Variants in XKR9 observed in about 807,000 individuals in gnomAD.
XKR9 encodes XK related 9, also known as XK-related protein 9.
XKR9 carries 32 observed loss-of-function variants against 32.0 expected under a neutral mutation model. The ratio of observed to expected loss-of-function variants is 1.00; its 90% CI spans 0.76 to 1.34. The LOEUF (loss-of-function observed/expected upper bound fraction) is 1.34, where lower values mean the gene tolerates loss of function less well. Ranked by LOEUF, XKR9 falls within the 40% of genes most tolerant of loss-of-function variation. The pLI is 0.00. For missense variants in XKR9, 546 were observed against 429.7 expected (o/e 1.27, Z -2.39); for synonymous variants, 168 against 143.4 (o/e 1.17, Z -1.22).
the XKR9 span, among the ~76,000 whole-genome samples, chr8:71,021,627 C>T: frequency 5.0e-4 from 76 of 151,562 alleles, 1 homozygote; most frequent in Non-Finnish European, 6.0e-4. Flanking sequence ...CTCAGCCTCC[C>T]GTGTAGCTGG....
intron 3 of XKR9, among the ~76,000 whole-genome samples, chr8:70,694,197 G>A (rs1226218637): frequency 6.6e-6 from 1 of 152,228 alleles, no homozygotes; most frequent in Non-Finnish European, 1.5e-5. Flanking sequence ...GGGAGTGGCT[G>A]GAGACCGTGG....
chr8:70,977,825 G>A, the XKR9 span, among the ~76,000 whole-genome samples: 1 of 152,154 alleles, frequency 6.6e-6, no homozygotes, highest in African/African-American at 2.4e-5. Context: ...GTCTAATATT[G>A]ACAGTGGGTT....
At chr8:70,865,616 A>G in the XKR9 span, among the ~76,000 whole-genome samples, 1 of 152,170 alleles carries the variant, frequency 6.6e-6, no homozygotes, top group Non-Finnish European at 1.5e-5. Flanking sequence ...GAGAATCTTC[A>G]TTCAGTTAGA....
At chr8:70,780,855 C>T (rs961440119) in intron 2 of XKR9, 3 of 152,044 alleles carry the variant, frequency 2.0e-5, no homozygotes, top group African/African-American at 4.8e-5. Context: ...GGTTTCTCCT[C>T]CTCACCAACA....
the XKR9 span, among the ~76,000 whole-genome samples, chr8:71,046,952 A>G: frequency 6.6e-6 from 1 of 152,216 alleles, no homozygotes; most frequent in Non-Finnish European, 1.5e-5. Flanking sequence ...GAGAAAGAAC[A>G]TGGCCTCTAA....
chr8:71,032,905 C>A, the XKR9 span, among the ~76,000 whole-genome samples: 1 of 151,976 alleles, frequency 6.6e-6, no homozygotes, highest in Non-Finnish European at 1.5e-5. Context: ...GCCAACATGG[C>A]GAAACCCCGT....
At chr8:70,932,529 T>A in the XKR9 span, among the ~76,000 whole-genome samples, 3 of 152,122 alleles carry the variant, frequency 2.0e-5, no homozygotes, top group Non-Finnish European at 4.4e-5. Context: ...GACCTCTCAA[T>A]TGCATGGACC....
At chr8:70,699,496 T>G (rs1312346414) in intron 3 of XKR9, among the ~76,000 whole-genome samples, 25 of 152,178 alleles carry the variant, frequency 1.6e-4, no homozygotes, top group Non-Finnish European at 1.6e-4. Flanking sequence ...TCTTTCAGAA[T>G]GTTGAATATT....
chr8:70,697,086 G>A (rs992495031), intron 3 of XKR9, among the ~76,000 whole-genome samples: 6 of 151,164 alleles, frequency 4.0e-5, no homozygotes, highest in Non-Finnish European at 7.4e-5. Context: ...ATTTTGGGCT[G>A]AGACAATGGG....
the XKR9 span, among the ~76,000 whole-genome samples, chr8:70,880,197 C>A: frequency 6.6e-6 from 1 of 152,146 alleles, no homozygotes; most frequent in Non-Finnish European, 1.5e-5. Context: ...GGAAGCATTC[C>A]CTTTGAAAAC....
the XKR9 span, among the ~76,000 whole-genome samples, chr8:70,870,660 G>A: frequency 6.6e-6 from 1 of 152,164 alleles, no homozygotes; most frequent in Non-Finnish European, 1.5e-5. Context: ...GTTGATAGAA[G>A]TGTTTGCATC....
chr8:70,711,510 G>A (rs1805918838), intron 4 of XKR9, among the ~76,000 whole-genome samples: 1 of 152,140 alleles, frequency 6.6e-6, no homozygotes, highest in Non-Finnish European at 1.5e-5. Flanking sequence ...TCTCCTAAGT[G>A]AATTAATGCA....
chr8:70,938,203 A>C, the XKR9 span, among the ~76,000 whole-genome samples: 1 of 151,896 alleles, frequency 6.6e-6, no homozygotes, highest in Admixed American at 6.6e-5. Flanking sequence ...TCAGGAGAGG[A>C]CATTCCCAGG....
chr8:71,019,115 G>T, the XKR9 span, among the ~76,000 whole-genome samples: 1 of 152,038 alleles, frequency 6.6e-6, no homozygotes. Context: ...ATCCAAGGGG[G>T]AAATACCTTC....
chr8:70,909,414 C>T, the XKR9 span, among the ~76,000 whole-genome samples: 65 of 152,232 alleles, frequency 4.3e-4, no homozygotes, highest in African/African-American at 1.4e-3. Flanking sequence ...CCTCTTTCTT[C>T]GTGTCTGGGT....
intron 2 of XKR9, among the ~76,000 whole-genome samples, chr8:70,779,708 T>C (rs1807588873): frequency 6.6e-6 from 1 of 152,224 alleles, no homozygotes; most frequent in Admixed American, 6.5e-5. Flanking sequence ...CAGGAATTTA[T>C]CCATTTCTTC....
At chr8:70,706,510 T>C (rs1028122347) in intron 3 of XKR9, among the ~76,000 whole-genome samples, 1 of 152,108 alleles carries the variant, frequency 6.6e-6, no homozygotes, top group Non-Finnish European at 1.5e-5. Context: ...TTGCAGTTTG[T>C]CTTTCAGAAA....
intron 4 of XKR9, among the ~76,000 whole-genome samples, chr8:70,721,479 C>T (rs932835078): frequency 6.6e-6 from 1 of 152,186 alleles, no homozygotes; most frequent in East Asian, 1.9e-4. Flanking sequence ...TTAGCTGTGT[C>T]CCAGAGATTC....
chr8:70,762,999 T>C (rs964749860), intron 2 of XKR9, among the ~76,000 whole-genome samples: 4 of 152,198 alleles, frequency 2.6e-5, no homozygotes, highest in African/African-American at 9.6e-5. Flanking sequence ...GTTGATCTAA[T>C]AGCCTTGTGA....
Sources: allele counts gnomAD v4.1 joint callset (sites outside exome capture counted in the v4.1 genomes callset), GRCh38; gene constraint gnomAD v4.1.1; transcripts MANE v1.5; gene names NCBI Gene and HGNC (gene_info 2026-07-23, HGNC 2026-07-21).